DYM: variants seen among roughly 807,000 people sequenced by gnomAD.
DYM encodes dyggve-Melchior-Clausen syndrome protein.
A neutral mutation model predicts 93.1 loss-of-function variants in DYM; 78 were observed. The ratio of observed to expected loss-of-function variants is 0.84; its 90% CI spans 0.70 to 1.01. The LOEUF (loss-of-function observed/expected upper bound fraction) is 1.01. Ranked by LOEUF, DYM falls within the 50% of genes least tolerant of loss-of-function variation. The pLI, the probability that DYM is intolerant of heterozygous loss-of-function variation, is 0.00. For synonymous variants in DYM, 321 were observed against 319.7 expected (o/e 1.00, Z -0.04); for missense variants, 789 against 845.0 (o/e 0.93, Z 0.82).
intron 13 of DYM, among the ~76,000 whole-genome samples, chr18:49,224,486 A>G (rs1044194950): frequency 1.3e-5 from 2 of 152,004 alleles, no homozygotes; most frequent in Non-Finnish European, 2.9e-5. Flanking sequence ...CCACAAATGT[A>G]TATGTTGAAA....
chr18:49,363,017 GAGAAA>G (rs1421450967), intron 6 of DYM, 139 bp downstream of exon 6: 5 of 685,506 alleles, frequency 7.3e-6, no homozygotes, highest in Non-Finnish European at 7.8e-6. Context: ...ATTAGGTAGA[GAGAAA>G]AGAACTCTGT....
chr18:49,098,463 T>A (rs1011865503), intron 16 of DYM, among the ~76,000 whole-genome samples: 1 of 152,236 alleles, frequency 6.6e-6, no homozygotes, highest in Non-Finnish European at 1.5e-5. Context: ...AAGTACACTA[T>A]ATTACATAAA....
At chr18:49,217,686 T>C in intron 13 of DYM, among the ~76,000 whole-genome samples, 1 of 152,086 alleles carries the variant, frequency 6.6e-6, no homozygotes, top group East Asian at 1.9e-4. Flanking sequence ...ATAAAATCCT[T>C]TACAGACAAG....
chr18:49,290,418 A>C (rs997340542), intron 8 of DYM, among the ~76,000 whole-genome samples: 2 of 152,078 alleles, frequency 1.3e-5, no homozygotes, highest in Non-Finnish European at 2.9e-5. Context: ...AACAGAGATT[A>C]TCTCTAGAGG....
chr18:49,174,106 A>G (rs899267843), intron 14 of DYM, among the ~76,000 whole-genome samples: 3 of 152,092 alleles, frequency 2.0e-5, no homozygotes, highest in African/African-American at 7.2e-5. Flanking sequence ...GTACCTACTG[A>G]GATGATCATA....
At chr18:49,060,685 G>T (rs2075893566) in intron 17 of DYM, among the ~76,000 whole-genome samples, 1 of 77,196 alleles carries the variant, frequency 1.3e-5, no homozygotes, top group Non-Finnish European at 2.8e-5. Context: ...AAGGGAGGGG[G>T]GAGGGGGGAG....
intron 2 of DYM, among the ~76,000 whole-genome samples, chr18:49,429,944 C>T (rs540813615): frequency 6.6e-6 from 1 of 152,168 alleles, no homozygotes; most frequent in African/African-American, 2.4e-5. Flanking sequence ...GTGTAGTATG[C>T]TACCATTTGT....
chr18:49,351,852 T>C (rs1286121991), intron 6 of DYM, among the ~76,000 whole-genome samples: 2 of 152,004 alleles, frequency 1.3e-5, no homozygotes, highest in Non-Finnish European at 2.9e-5. Flanking sequence ...AAACCAAAAA[T>C]GGCTTTAAAG....
rs145003703 is a variant in DYM, at chr18:49,235,484, A to G, written c.1460+21526T>C. 9.5e-4 allele frequency among the ~76,000 whole-genome samples: 145 copies of G among 152,328 alleles called. 3 individuals are homozygous for G. The highest frequency in any genetic ancestry group is 4.1e-3 in the South Asian group (20 of 4,830). On this transcript the variant is annotated intron_variant, in intron 13 of 17. Transcript: ENST00000675505. The stretch of plus-strand genomic sequence containing the variant: ...AAAATTTAAAAATAGATGTAATGAT[A>G]TAAGTTAAACAGACTTTAATAAGGC...
At chr18:49,304,065 T>C (rs1219604056) in intron 8 of DYM, among the ~76,000 whole-genome samples, 1 of 152,244 alleles carries the variant, frequency 6.6e-6, no homozygotes, top group Non-Finnish European at 1.5e-5. Context: ...ATATTGGTCA[T>C]AGTCTTCAAC....
Position 49,226,735 on chromosome 18 carries a change from T to A in DYM, c.1461-17020A>T, listed in dbSNP as rs79244693. On this transcript the variant is annotated intron_variant, in intron 13 of 17. Coordinates refer to ENST00000675505, the MANE Select transcript of DYM (RefSeq NM_001353214.3). Reference sequence around the variant, plus strand: ...TTTTGAAAGAAGCATTTCAATGTCATTATGTTCCTCTTTGTACCAAAGGAA... The same window carrying A: ...TTTTGAAAGAAGCATTTCAATGTCAATATGTTCCTCTTTGTACCAAAGGAA... 3.4e-3 allele frequency among the ~76,000 whole-genome samples: 524 copies of A among 152,284 alleles called. 4 individuals are homozygous for A. Among genetic ancestry groups the A allele is most frequent in the African/African-American group, 0.012 (486 of 41,574 alleles).
At chr18:49,371,591 A>G (rs12606336) in intron 5 of DYM, among the ~76,000 whole-genome samples, 13,892 of 152,286 alleles carry the variant, frequency 0.091, 864 homozygotes, top group East Asian at 0.31. Flanking sequence ...TTGGATTTAT[A>G]AGACGCCAAA....
intron 5 of DYM, among the ~76,000 whole-genome samples, chr18:49,373,272 A>C (rs1269278448): frequency 6.6e-6 from 1 of 152,162 alleles, no homozygotes; most frequent in Non-Finnish European, 1.5e-5. Flanking sequence ...AAGTTTATTA[A>C]GAAAGTATAG....
rs768509996 is a variant in DYM, at chr18:49,379,744, G to A, written c.208C>T (p.Arg70Ter). 35 of 1,612,772 alleles carry A rather than the reference G, an allele frequency of 2.2e-5. No homozygotes were observed. The highest frequency in any genetic ancestry group is 2.8e-5 in the Non-Finnish European group (33 of 1,179,166). Reference sequence around the variant, plus strand: ...ATTAGTGCACCAAGATTTCCTGTTCGAGGATTGTTTTCAACTGCAAGAGAA... The same window carrying A: ...ATTAGTGCACCAAGATTTCCTGTTCAAGGATTGTTTTCAACTGCAAGAGAA... The part of the protein sequence containing the change: ...VCRSLVENNP[R>*]TGNLGALIKV... Residue 70 changes from arginine (R) to a stop codon, truncating the protein, a stop_gained, in exon 4 of 18, where the codon CGA becomes TGA. Coordinates refer to ENST00000675505, the MANE Select transcript of DYM (RefSeq NM_001353214.3). LOFTEE classifies it high-confidence loss of function.
chr18:49,453,400 G>T (rs796647840), intron 1 of DYM, among the ~76,000 whole-genome samples: 2 of 152,278 alleles, frequency 1.3e-5, no homozygotes, highest in Admixed American at 6.5e-5. Context: ...TCTTGTTGCT[G>T]CTCACTCTTT....
chr18:49,391,521 A>G (rs112387751), intron 3 of DYM, 72 bp downstream of exon 3: 1 of 1,380,656 alleles, frequency 7.2e-7, no homozygotes, highest in South Asian at 1.2e-5. Flanking sequence ...TCATTAATTC[A>G]GTTCATATTA....
intron 2 of DYM, among the ~76,000 whole-genome samples, chr18:49,415,522 T>C (rs925721431): frequency 6.6e-6 from 1 of 151,762 alleles, no homozygotes; most frequent in Non-Finnish European, 1.5e-5. Context: ...TAGTTTTAAG[T>C]GACTGTGCCA....
chr18:49,164,207 A>C (rs1479942385), intron 14 of DYM, among the ~76,000 whole-genome samples: 1 of 152,130 alleles, frequency 6.6e-6, no homozygotes, highest in African/African-American at 2.4e-5. Context: ...TGTCATACAG[A>C]GTCTATGGTT....
intron 14 of DYM, among the ~76,000 whole-genome samples, chr18:49,195,316 CTATG>C (rs2145768992): frequency 6.6e-6 from 1 of 152,264 alleles, no homozygotes; most frequent in Admixed American, 6.5e-5. Flanking sequence ...AGTGATACCT[CTATG>C]TGTGTATACA....
Sources: gnomAD v4.1 joint callset for allele counts (sites outside exome capture counted in the v4.1 genomes callset) on GRCh38, gnomAD v4.1.1 for gene constraint, MANE v1.5 for transcripts, NCBI Gene and HGNC (gene_info 2026-07-23, HGNC 2026-07-21) for gene names.